Variants in SLC9A9 observed in about 807,000 individuals in gnomAD.
SLC9A9 encodes sodium/hydrogen exchanger 9.
SLC9A9 carries 62 observed loss-of-function variants against 77.8 expected under a neutral mutation model. That is an observed-to-expected ratio of 0.80 (90% CI 0.65 to 0.98). The LOEUF is 0.98. Ranked by LOEUF, SLC9A9 falls within the 50% of genes least tolerant of loss-of-function variation. The probability of loss-of-function intolerance (pLI) is 0.00; values close to 1 mark genes in which losing one functional copy is unlikely to be tolerated. For missense variants in SLC9A9, 775 were observed against 774.9 expected, an observed-to-expected ratio of 1.00 and a Z score of 0.00; for synonymous variants, 320 against 283.5, an observed-to-expected ratio of 1.13 and a Z score of -1.29.
At chr3:143,477,025 T>C (rs2035488831) in intron 11 of SLC9A9, among the ~76,000 whole-genome samples, 1 of 152,246 alleles carries the variant, frequency 6.6e-6, no homozygotes, top group East Asian at 1.9e-4. Context: ...ACAATATTCC[T>C]ACTGCAGAGG....
chr3:143,466,902 G>T lies in SLC9A9; in HGVS notation c.1469+135C>A, dbSNP rs920281866. The stretch of plus-strand genomic sequence containing the variant: ...TATGTCATATTGTTTCACCTTATGA[G>T]TGAAGGTCAACTTGACTGCTGGGAA... On this transcript the variant is annotated intron_variant, in intron 12 of 15. Coordinates refer to ENST00000316549, the MANE Select transcript of SLC9A9 (RefSeq NM_173653.4). 124 of 1,110,854 alleles carry T rather than the reference G, an allele frequency of 1.1e-4. No individual in the cohort carries two copies. The African/African-American group carries it at 1.7e-3, about 15-fold the overall frequency. 68.8% of individuals were successfully genotyped at this position (1,110,854 alleles called of 1,614,324 possible). A position where few individuals can be genotyped will look rare whatever the true frequency, so the allele number is the denominator to read the frequency against.
At chr3:143,285,441 C>G (rs1271165628) in intron 14 of SLC9A9, among the ~76,000 whole-genome samples, 2 of 152,138 alleles carry the variant, frequency 1.3e-5, no homozygotes, top group Non-Finnish European at 2.9e-5. Context: ...CATGGGGAGG[C>G]AAAGGAGCCA....
chr3:143,356,595 A>T (rs961440314), intron 14 of SLC9A9, among the ~76,000 whole-genome samples: 1 of 152,168 alleles, frequency 6.6e-6, no homozygotes, highest in Non-Finnish European at 1.5e-5. Context: ...ATCATAGCTC[A>T]TTGCAGCCTT....
intron 9 of SLC9A9, among the ~76,000 whole-genome samples, chr3:143,550,366 T>C (rs2036859415): frequency 6.6e-6 from 1 of 152,202 alleles, no homozygotes; most frequent in South Asian, 2.1e-4. Flanking sequence ...AGTCCAATTC[T>C]CCATCATTGC....
Position 143,848,317 on chromosome 3 carries a change from C to T in SLC9A9, c.6G>A (p.Glu2=), listed in dbSNP as rs2108903874. 2 of 1,613,966 alleles carry T rather than the reference C, an allele frequency of 1.2e-6. No individual in the cohort carries two copies. Among genetic ancestry groups the T allele is most frequent in the South Asian group, 1.1e-5 (1 of 91,078 alleles). M[E]RQSRVMSEKD... ...TTTCTGACATAACCCTTGACTGTCTCTCCATTCCCCAGTCTTCTTGGGATT... is the reference window on the plus strand; with the variant it reads ...TTTCTGACATAACCCTTGACTGTCTTTCCATTCCCCAGTCTTCTTGGGATT... Residue 2 remains glutamate, a synonymous_variant, in exon 1 of 16, where the codon GAG becomes GAA. Transcript: ENST00000316549.
At chr3:143,304,003 C>G (rs2108430867) in intron 14 of SLC9A9, among the ~76,000 whole-genome samples, 2 of 152,196 alleles carry the variant, frequency 1.3e-5, no homozygotes, top group Middle Eastern at 3.4e-3. Flanking sequence ...CACAGATTTC[C>G]AGAAAACATA....
At chr3:143,294,262 T>C (rs2030151036) in intron 14 of SLC9A9, among the ~76,000 whole-genome samples, 1 of 151,034 alleles carries the variant, frequency 6.6e-6, no homozygotes, top group Non-Finnish European at 1.5e-5. Flanking sequence ...TTCTTGCAAT[T>C]GTTGTTTACA....
chr3:143,442,702 G>T (rs2034767405), intron 12 of SLC9A9, among the ~76,000 whole-genome samples: 1 of 152,240 alleles, frequency 6.6e-6, no homozygotes, highest in African/African-American at 2.4e-5. Flanking sequence ...TCCAGCCTGG[G>T]TGACAGAGTG....
At chr3:143,519,595 C>T (rs1487773521) in intron 9 of SLC9A9, among the ~76,000 whole-genome samples, 1 of 152,106 alleles carries the variant, frequency 6.6e-6, no homozygotes, top group Non-Finnish European at 1.5e-5. Context: ...TGCTTTAACA[C>T]CATCATTCTA....
intron 14 of SLC9A9, among the ~76,000 whole-genome samples, chr3:143,307,067 G>A (rs1481618916): frequency 6.6e-6 from 1 of 152,164 alleles, no homozygotes; most frequent in East Asian, 1.9e-4. Flanking sequence ...AACTTATGGT[G>A]CCATAGTTTG....
At chr3:143,797,846 T>C (rs1311790866) in intron 2 of SLC9A9, among the ~76,000 whole-genome samples, 1 of 152,118 alleles carries the variant, frequency 6.6e-6, no homozygotes, top group Non-Finnish European at 1.5e-5. Flanking sequence ...ACTGACTCTC[T>C]TTTGGGACTC....
intron 4 of SLC9A9, among the ~76,000 whole-genome samples, chr3:143,767,368 G>A (rs528052732): frequency 2.9e-5 from 4 of 139,510 alleles, no homozygotes; most frequent in African/African-American, 1.1e-4. Flanking sequence ...AACAGTAAGT[G>A]TCTGTGTATG....
At chr3:143,517,062 C>T in intron 9 of SLC9A9, 1 of 1,012,398 alleles carries the variant, frequency 9.9e-7, no homozygotes, top group Non-Finnish European at 1.5e-6. Flanking sequence ...AATAGCATGT[C>T]AATTTCTTTA....
At chr3:143,731,274 G>A (rs572537774) in intron 4 of SLC9A9, among the ~76,000 whole-genome samples, 3 of 152,198 alleles carry the variant, frequency 2.0e-5, no homozygotes, top group Non-Finnish European at 2.9e-5. Flanking sequence ...GCAGCAGGGA[G>A]GAAGAAAGGT....
chr3:143,424,794 A>G (rs77821854), intron 12 of SLC9A9, among the ~76,000 whole-genome samples: 170 of 152,364 alleles, frequency 1.1e-3, no homozygotes, highest in African/African-American at 3.7e-3. Context: ...TTAAAAACAC[A>G]GGTGCTGGGT....
chr3:143,412,936 T>G (rs558769590), intron 12 of SLC9A9, among the ~76,000 whole-genome samples: 12 of 152,286 alleles, frequency 7.9e-5, no homozygotes, highest in African/African-American at 2.9e-4. Flanking sequence ...TGATTTTTTC[T>G]TACTCTAGGT....
intron 14 of SLC9A9, among the ~76,000 whole-genome samples, chr3:143,299,010 A>G (rs2030401263): frequency 6.6e-6 from 1 of 152,184 alleles, no homozygotes; most frequent in Non-Finnish European, 1.5e-5. Flanking sequence ...TGATGGGTGA[A>G]CAAGGTATGT....
chr3:143,729,986 G>T (rs1934758771), intron 4 of SLC9A9, among the ~76,000 whole-genome samples: 1 of 152,118 alleles, frequency 6.6e-6, no homozygotes, highest in Admixed American at 6.5e-5. Flanking sequence ...TTCCCTTGTA[G>T]CCTGTCAGCT....
intron 4 of SLC9A9, among the ~76,000 whole-genome samples, chr3:143,777,423 A>T (rs1425793585): frequency 2.0e-5 from 3 of 152,214 alleles, no homozygotes; most frequent in Non-Finnish European, 4.4e-5. Flanking sequence ...ATTCCTTAAA[A>T]ATGTTTAAGT....
Sources: allele counts gnomAD v4.1 joint callset (sites outside exome capture counted in the v4.1 genomes callset), GRCh38; gene constraint gnomAD v4.1.1; transcripts MANE v1.5; gene names NCBI Gene and HGNC (gene_info 2026-07-23, HGNC 2026-07-21).